Variants in SYT9 observed in about 807,000 individuals in gnomAD.
The protein encoded by SYT9 is synaptotagmin-9.
In SYT9, 22 loss-of-function variants were observed where a neutral mutation model predicts 48.4. The observed-to-expected ratio is 0.45, with a 90% CI of 0.32 to 0.65. The LOEUF (loss-of-function observed/expected upper bound fraction) is 0.65. Among genes scored for constraint, SYT9 ranks in the 30% least tolerant of loss-of-function variants. The pLI is 0.03. For synonymous variants in SYT9, 265 were observed against 245.0 expected, an observed-to-expected ratio of 1.08 and a Z score of -0.76; for missense variants, 577 against 622.0, an observed-to-expected ratio of 0.93 and a Z score of 0.77.
At chr11:7,245,338 A>T (rs1229546676) in intron 1 of SYT9, among the ~76,000 whole-genome samples, 2 of 152,356 alleles carry the variant, frequency 1.3e-5, no homozygotes, top group Admixed American at 1.3e-4. Flanking sequence ...ATGATTAGTT[A>T]TAATCATTAA....
At chr11:7,286,392 C>G (rs370423278) in intron 1 of SYT9, among the ~76,000 whole-genome samples, 4 of 152,300 alleles carry the variant, frequency 2.6e-5, no homozygotes, top group African/African-American at 9.6e-5. Flanking sequence ...AGTCCTGAGG[C>G]TGCACACAGC....
chr11:7,288,577 T>C (rs2133915177), intron 1 of SYT9, among the ~76,000 whole-genome samples: 1 of 152,304 alleles, frequency 6.6e-6, no homozygotes, highest in African/African-American at 2.4e-5. Context: ...TTCCTGTGAG[T>C]CCCCCATTGG....
intron 3 of SYT9, among the ~76,000 whole-genome samples, chr11:7,356,904 G>A (rs1850032187): frequency 6.6e-6 from 1 of 152,162 alleles, no homozygotes; most frequent in Admixed American, 6.5e-5. Context: ...TGGTGTTTCA[G>A]CTAGGAGAAT....
intron 2 of SYT9, among the ~76,000 whole-genome samples, chr11:7,308,080 A>G (rs1049828416): frequency 6.6e-6 from 1 of 152,140 alleles, no homozygotes; most frequent in African/African-American, 2.4e-5. Flanking sequence ...CCTATCCAGG[A>G]TTTCCCCTTC....
chr11:7,250,452 C>G (rs1426850730), upstream of SYT9, among the ~76,000 whole-genome samples: 16 of 87,900 alleles, frequency 1.8e-4, no homozygotes, highest in African/African-American at 8.7e-4. Context: ...CCCCCCGCCA[C>G]CCCCCCCCAG....
chr11:7,253,632 T>C (rs1347692922), intron 1 of SYT9, among the ~76,000 whole-genome samples: 1 of 152,218 alleles, frequency 6.6e-6, no homozygotes, highest in Admixed American at 6.5e-5. Context: ...CCGGTGGTTA[T>C]ATTAACTAAG....
Position 7,402,113 on chromosome 11 carries a change from T to A in SYT9, c.1045-13929T>A, listed in dbSNP as rs573463265. On this transcript the variant is annotated intron_variant, in intron 3 of 6. Coordinates refer to ENST00000318881, the MANE Select transcript of SYT9 (RefSeq NM_175733.4). ...TTAATTTGTGGATAATTTGGAAAGA[T>A]ATTATTTAATTTCTAAATATCTGGA... Among the ~76,000 whole-genome samples the A allele has an allele frequency of 1.1e-4, 16 of 152,238 alleles. 1 individual carries two copies. In the South Asian group the frequency reaches 3.1e-3, roughly 30 times the overall value.
intron 6 of SYT9, among the ~76,000 whole-genome samples, chr11:7,464,167 A>G (rs1439242451): frequency 3.9e-5 from 6 of 152,166 alleles, no homozygotes; most frequent in African/African-American, 1.4e-4. Context: ...TGTGCACAGA[A>G]CTGTGGGGGC....
chr11:7,416,153 G>A lies in SYT9; in HGVS notation c.1156G>A (p.Gly386Arg), dbSNP rs1847243032. 2 of 1,614,162 alleles carry A rather than the reference G, an allele frequency of 1.2e-6. No homozygotes were observed. The highest frequency in any genetic ancestry group is 1.7e-6 in the Non-Finnish European group (2 of 1,180,006). Residue 386 changes from glycine to arginine, a missense_variant, in exon 4 of 7, where the codon GGA becomes AGA. Physicochemically the swap from Gly to Arg is moderately radical, Grantham distance 125. Transcript: ENST00000318881. The part of the protein sequence containing the change: ...ARNLKAMDIT[G>R]ASDPYVKVSL... ...GAATTTAAAGGCAATGGACATAACA[G>A]GAGCATCAGGTGGGGCATTTTCAAA...
At chr11:7,386,692 T>C (rs1218312134) in intron 3 of SYT9, among the ~76,000 whole-genome samples, 1 of 152,156 alleles carries the variant, frequency 6.6e-6, no homozygotes, top group Admixed American at 6.5e-5. Flanking sequence ...ACTTTTACAC[T>C]GTTGGTGGGA....
chr11:7,275,575 T>C (rs1201901483), intron 1 of SYT9, among the ~76,000 whole-genome samples: 2 of 152,206 alleles, frequency 1.3e-5, no homozygotes, highest in Non-Finnish European at 2.9e-5. Flanking sequence ...CACTTATGCA[T>C]TTTTCCCAAG....
chr11:7,341,878 TG>T (rs926320439), intron 3 of SYT9, among the ~76,000 whole-genome samples: 2 of 152,192 alleles, frequency 1.3e-5, no homozygotes, highest in African/African-American at 4.8e-5. Flanking sequence ...AATGGTTTAA[TG>T]GACTCATAGT....
chr11:7,256,002 C>T (rs1235423362), intron 1 of SYT9, among the ~76,000 whole-genome samples: 1 of 152,012 alleles, frequency 6.6e-6, no homozygotes, highest in Non-Finnish European at 1.5e-5. Flanking sequence ...AAATTTCTAC[C>T]CATGGATCTT....
intron 5 of SYT9, among the ~76,000 whole-genome samples, chr11:7,419,995 G>A (rs557984438): frequency 3.0e-4 from 46 of 152,286 alleles, no homozygotes; most frequent in African/African-American, 9.6e-4. Context: ...GAAGAAAGGA[G>A]GGACAAGTAT....
chr11:7,246,501 T>C (rs1242746837), intron 1 of SYT9, among the ~76,000 whole-genome samples: 1 of 152,210 alleles, frequency 6.6e-6, no homozygotes, highest in Non-Finnish European at 1.5e-5. Context: ...ACTCTACTTC[T>C]TCAATTTCCA....
intron 6 of SYT9, among the ~76,000 whole-genome samples, chr11:7,433,019 C>CA (rs202010994): frequency 3.9e-5 from 6 of 152,102 alleles, no homozygotes; most frequent in Non-Finnish European, 8.8e-5. Context: ...ATGTTGGAGG[C>CA]AGGACCTGGT....
chr11:7,318,695 G>GT (rs1396284356), intron 3 of SYT9, among the ~76,000 whole-genome samples: 2 of 152,074 alleles, frequency 1.3e-5, no homozygotes, highest in Non-Finnish European at 2.9e-5. Context: ...TTTATCACAC[G>GT]TAATTGTTTT....
chr11:7,289,856 T>C (rs976795923), intron 1 of SYT9, among the ~76,000 whole-genome samples: 1 of 152,220 alleles, frequency 6.6e-6, no homozygotes, highest in Non-Finnish European at 1.5e-5. Context: ...CTGATAAAAA[T>C]TAACAATTTA....
intron 1 of SYT9, among the ~76,000 whole-genome samples, chr11:7,297,079 TGTGTGTGAGAGAGAGAGAGAGACAGA>T (rs965876416): frequency 6.7e-6 from 1 of 148,438 alleles, no homozygotes; most frequent in Non-Finnish European, 1.5e-5. Flanking sequence ...TGTGTGTGTG[TGTGTGTGAGAGAGAGAGAGAGACAGA>T]GAGAGAGAGA....
Sources: gnomAD v4.1 joint callset for allele counts (sites outside exome capture counted in the v4.1 genomes callset) on GRCh38, gnomAD v4.1.1 for gene constraint, MANE v1.5 for transcripts, NCBI Gene and HGNC (gene_info 2026-07-23, HGNC 2026-07-21) for gene names.